The following ATAD2B variants were observed in gnomAD, a reference collection of about 807,000 sequenced individuals.
ATAD2B encodes ATPase family AAA domain-containing protein 2B.
ATAD2B carries 40 observed loss-of-function variants against 167.6 expected under a neutral mutation model. The ratio of observed to expected loss-of-function variants is 0.24; its 90% CI spans 0.19 to 0.31. The LOEUF is 0.31. ATAD2B is among the 10% of genes least tolerant of loss of function. The probability of loss-of-function intolerance (pLI) is 1.00; values close to 1 mark genes in which losing one functional copy is unlikely to be tolerated. For synonymous variants in ATAD2B, 579 were observed against 596.5 expected (o/e 0.97, Z 0.43); for missense variants, 1,242 against 1,757.2 (o/e 0.71, Z 5.24).
Position 23,845,318 on chromosome 2 carries a change from G to A in ATAD2B, c.1569-11240C>T, listed in dbSNP as rs149779113. ...CAAACTGGAAACAACCTAAATGTCC[G>A]TCCAGTGTGTTGTATAGCCATACAA... On this transcript the variant is annotated intron_variant, in intron 13 of 27. Transcript: ENST00000238789. 3.9e-4 allele frequency among the ~76,000 whole-genome samples: 60 copies of A among 152,150 alleles called. No individual in the cohort carries two copies. In the East Asian group the frequency reaches 0.01, roughly 26 times the overall value.
At chr2:23,883,868 G>A (rs1343465508) in intron 6 of ATAD2B, among the ~76,000 whole-genome samples, 1 of 152,192 alleles carries the variant, frequency 6.6e-6, no homozygotes, top group Non-Finnish European at 1.5e-5. Flanking sequence ...GCCAGGCCGG[G>A]TGCAGTGGCT....
intron 19 of ATAD2B, among the ~76,000 whole-genome samples, chr2:23,790,995 A>G (rs147149508): frequency 2.0e-5 from 3 of 152,216 alleles, no homozygotes; most frequent in Admixed American, 2.0e-4. Context: ...CCTAACAACC[A>G]CTGATAATGC....
intron 22 of ATAD2B, among the ~76,000 whole-genome samples, chr2:23,765,977 C>G (rs1172795352): frequency 6.6e-6 from 1 of 151,980 alleles, no homozygotes; most frequent in African/African-American, 2.4e-5. Context: ...CACCAAATGC[C>G]CAGCCCCAGA....
intron 1 of ATAD2B, among the ~76,000 whole-genome samples, chr2:23,919,797 G>A (rs193095984): frequency 2.7e-5 from 4 of 149,848 alleles, no homozygotes; most frequent in Admixed American, 6.7e-5. Flanking sequence ...GTGAGCTGAG[G>A]TCGCACCATT....
the ATAD2B span, among the ~76,000 whole-genome samples, chr2:23,701,465 C>G: frequency 6.6e-6 from 1 of 152,190 alleles, no homozygotes; most frequent in Non-Finnish European, 1.5e-5. Flanking sequence ...GTAATCCCAG[C>G]ACTTTAGGAG....
At chr2:23,891,859 G>A (rs17762609) in intron 2 of ATAD2B, among the ~76,000 whole-genome samples, 1 of 151,838 alleles carries the variant, frequency 6.6e-6, no homozygotes, top group Non-Finnish European at 1.5e-5. Flanking sequence ...TGATTATTAC[G>A]TTAGAACTTT....
chr2:23,851,395 C>T (rs1692540585), intron 13 of ATAD2B, among the ~76,000 whole-genome samples: 1 of 152,188 alleles, frequency 6.6e-6, no homozygotes, highest in South Asian at 2.1e-4. Flanking sequence ...CTGTCCTTGG[C>T]CTCCCAAAGT....
intron 1 of ATAD2B, among the ~76,000 whole-genome samples, chr2:23,923,645 A>G (rs1704274266): frequency 6.8e-6 from 1 of 147,326 alleles, no homozygotes; most frequent in Non-Finnish European, 1.5e-5. Context: ...CACCTTTTAC[A>G]TGTCAAAAAA....
the ATAD2B span, chr2:23,703,931 A>G: frequency 4.4e-5 from 64 of 1,451,970 alleles, no homozygotes; most frequent in Admixed American, 8.0e-4. Context: ...TGTGACCACA[A>G]TGATTTCCTG....
chr2:23,781,925 A>T (rs1680131253), intron 22 of ATAD2B, among the ~76,000 whole-genome samples: 1 of 151,890 alleles, frequency 6.6e-6, no homozygotes, highest in Non-Finnish European at 1.5e-5. Context: ...TGAGCCTCCC[A>T]CCTCAGTCTC....
intron 21 of ATAD2B, 121 bp downstream of exon 21, chr2:23,785,906 T>C (rs1680741128): frequency 1.2e-6 from 1 of 858,908 alleles, no homozygotes; most frequent in African/African-American, 1.7e-5. Flanking sequence ...GATTAAAATT[T>C]TATAGGCTAG....
At chr2:23,756,621 C>G (rs557639385) in intron 25 of ATAD2B, among the ~76,000 whole-genome samples, 13 of 152,280 alleles carry the variant, frequency 8.5e-5, no homozygotes, top group African/African-American at 3.1e-4. Context: ...CCTCTTTCTG[C>G]TGCTTCTTAA....
the ATAD2B span, among the ~76,000 whole-genome samples, chr2:23,701,778 C>T: frequency 1.4e-5 from 2 of 148,142 alleles, no homozygotes; most frequent in South Asian, 4.3e-4. Flanking sequence ...GCTTCGCACA[C>T]ATGGCTTTTT....
intron 13 of ATAD2B, among the ~76,000 whole-genome samples, chr2:23,842,578 G>C (rs1346513695): frequency 6.6e-6 from 1 of 152,140 alleles, no homozygotes; most frequent in Non-Finnish European, 1.5e-5. Flanking sequence ...ACTGCAGTGA[G>C]GGGGAGAGAG....
At chr2:23,818,142 A>G in intron 17 of ATAD2B, among the ~76,000 whole-genome samples, 1 of 73,418 alleles carries the variant, frequency 1.4e-5, no homozygotes, top group East Asian at 4.7e-4. Flanking sequence ...ACACACACAC[A>G]GAGAGAGAGA....
At chr2:23,691,963 G>A in the ATAD2B span, 5 of 1,333,616 alleles carry the variant, frequency 3.7e-6, no homozygotes, top group South Asian at 6.5e-5. Context: ...GAGCGGGGAG[G>A]TCTGTGTGTG....
At chr2:23,803,339 C>T (rs1020981667) in intron 18 of ATAD2B, among the ~76,000 whole-genome samples, 1 of 122,916 alleles carries the variant, frequency 8.1e-6, no homozygotes, top group African/African-American at 2.7e-5. Context: ...CACACACACA[C>T]GCGCACGCAT....
intron 13 of ATAD2B, among the ~76,000 whole-genome samples, chr2:23,836,165 G>A (rs1689925673): frequency 6.6e-6 from 1 of 152,180 alleles, no homozygotes; most frequent in African/African-American, 2.4e-5. Context: ...GGGTGTTTGA[G>A]AGAGCAAGTG....
intron 15 of ATAD2B, among the ~76,000 whole-genome samples, chr2:23,828,332 T>C: frequency 6.6e-6 from 1 of 152,136 alleles, no homozygotes; most frequent in East Asian, 1.9e-4. Flanking sequence ...CTGTGAAAAA[T>C]TTAAAGTTAA....
Sources: allele counts gnomAD v4.1 joint callset (sites outside exome capture counted in the v4.1 genomes callset), GRCh38; gene constraint gnomAD v4.1.1; transcripts MANE v1.5; gene names NCBI Gene and HGNC (gene_info 2026-07-23, HGNC 2026-07-21).